NPEPL1: variants seen among roughly 807,000 people sequenced by gnomAD.
NPEPL1 encodes the protein probable aminopeptidase NPEPL1.
A neutral mutation model predicts 52.4 loss-of-function variants in NPEPL1; 45 were observed. The ratio of observed to expected loss-of-function variants is 0.86; its 90% confidence interval spans 0.68 to 1.10. The LOEUF (loss-of-function observed/expected upper bound fraction) is 1.10. NPEPL1 is among the 50% of genes least tolerant of loss of function. The pLI is 0.00. For synonymous variants in NPEPL1, 360 were observed against 314.7 expected (o/e 1.14, Z -1.52); for missense variants, 696 against 710.9 (o/e 0.98, Z 0.24).
intron 7 of NPEPL1, chr20:58,711,096 T>TCCTCCTCCTCCTCCTCCC (rs2084829347): frequency 2.3e-5 from 1 of 43,078 alleles, no homozygotes; most frequent in African/African-American, 1.3e-4. Context: ...CCTCCTCTCC[T>TCCTCCTCCTCCTCCTCCC]CCTCCTCCTC....
intron 5 of NPEPL1, among the ~76,000 whole-genome samples, chr20:58,700,090 G>T (rs1248521286): frequency 2.0e-5 from 3 of 152,236 alleles, no homozygotes; most frequent in Non-Finnish European, 4.4e-5. Flanking sequence ...ATTAGCTGGA[G>T]GCAGCAGGTC....
At chr20:58,711,107 C>CCCCTCCTCCTCCCCCCCGCCT (rs1568859787) in intron 7 of NPEPL1, 1 of 78,048 alleles carries the variant, frequency 1.3e-5, no homozygotes, top group African/African-American at 1.1e-4. Flanking sequence ...CCTCCTCCTC[C>CCCCTCCTCCTCCCCCCCGCCT]CCCCCTCCTC....
chr20:58,714,629 G>A lies in NPEPL1; in HGVS notation c.1372G>A (p.Gly458Arg), dbSNP rs750522040. 129 of 1,596,020 alleles carry A rather than the reference G, an allele frequency of 8.1e-5. No individual in the cohort carries two copies. The highest frequency in any genetic ancestry group is 1.7e-4 in the Middle Eastern group (1 of 6,058). Residue 458 changes from glycine (G) to arginine (R), a missense_variant, in exon 11 of 12, where the codon GGA (glycine) becomes AGA (arginine). Physicochemically the swap from Gly to Arg is moderately radical, Grantham distance 125. Coordinates refer to ENST00000356091, the MANE Select transcript of NPEPL1 (RefSeq NM_024663.4). ...IASHIGFDWP[G>R]VWVHLDIAAP... ...CTCACACATCGGCTTCGACTGGCCC[G>A]GAGTCTGGGTCCACCTGGACATTGC...
At position 58,703,285 on chromosome 20, in the gene NPEPL1, A is replaced by AT. The variant is rs1156769892; in HGVS notation, c.822+2133dup. Among the ~76,000 whole-genome samples, 8 of 152,316 alleles carry AT rather than the reference A, an allele frequency of 5.3e-5. No individual in the cohort carries two copies. In the South Asian group the frequency reaches 1.5e-3, roughly 28 times the overall value. ...TTAAAACGCAACCGTAGCCACAGCA[A>AT]TTTTTTAAACTTCAATCAACAACAG... On this transcript the variant is annotated intron_variant, in intron 6 of 11. Transcript: ENST00000356091.
At position 58,709,280 on chromosome 20, in the gene NPEPL1, T is replaced by C. The variant is rs1043858676; in HGVS notation, c.900+2080T>C. Among the ~76,000 whole-genome samples, 3 of 151,948 alleles carry C rather than the reference T, an allele frequency of 2.0e-5. No individual in the cohort carries two copies. The South Asian group carries it at 6.2e-4, about 31-fold the overall frequency. On this transcript the variant is annotated intron_variant, in intron 7 of 11. Coordinates refer to ENST00000356091, the MANE Select transcript of NPEPL1 (RefSeq NM_024663.4). ...CCTTCACATATCCTTGTTGGCCTCT[T>C]AGAAAGGAATACGCCTCTGTCTGAG...
intron 6 of NPEPL1, chr20:58,703,521 G>A: frequency 1.0e-6 from 1 of 985,280 alleles, no homozygotes; most frequent in Non-Finnish European, 1.2e-6. Flanking sequence ...ATTCTGGCTG[G>A]TAGAGTCGTG....
chr20:58,699,815 C>T (rs2084577059), intron 5 of NPEPL1, among the ~76,000 whole-genome samples: 1 of 152,222 alleles, frequency 6.6e-6, no homozygotes, highest in Admixed American at 6.5e-5. Context: ...CCCCGTGGTG[C>T]TTGTAGACTG....
chr20:58,693,113 G>T, intron 1 of NPEPL1, 63 bp downstream of exon 1: 1 of 975,818 alleles, frequency 1.0e-6, no homozygotes, highest in Non-Finnish European at 1.2e-6. Context: ...GGCGGCCCGC[G>T]GAGGCCCCGC....
chr20:58,700,902 A>G, intron 5 of NPEPL1, 114 bp from the exon 6 acceptor site: 2 of 1,118,358 alleles, frequency 1.8e-6, no homozygotes, highest in Non-Finnish European at 2.4e-6. Flanking sequence ...CACCAGGCTC[A>G]GGCAGGCGGC....
rs1308299625 is a variant in NPEPL1 at position 58,700,947 on chromosome 20, AG to A, written c.680-65del. On this transcript the variant is annotated intron_variant, in intron 5 of 11. Transcript: ENST00000356091. The stretch of plus-strand genomic sequence containing the variant: ...GAAACACCAGCCGGCCAGAGTTTCC[AG>A]GGGCCTCTGGGAGTTCCCCGCTCAG... 2.1e-5 allele frequency: 29 copies of A among 1,350,378 alleles called. No homozygotes were observed. The East Asian group carries it at 8.9e-4, about 41-fold the overall frequency. 83.6% of individuals were successfully genotyped at this position (1,350,378 alleles called of 1,614,324 possible).
intron 3 of NPEPL1, among the ~76,000 whole-genome samples, chr20:58,695,861 C>G (rs1340834649): frequency 1.3e-5 from 2 of 152,200 alleles, no homozygotes; most frequent in Non-Finnish European, 2.9e-5. Flanking sequence ...ACATTGTTTT[C>G]TAAGGACTGC....
rs1378048331 is a variant in NPEPL1, at chr20:58,694,568, G to A, written c.483G>A (p.Gly161=). The A allele has an allele frequency of 1.9e-6, 3 of 1,613,514 alleles. No individual in the cohort carries two copies. Among genetic ancestry groups the A allele is most frequent in the African/African-American group, 2.7e-5 (2 of 74,946 alleles). ...TTTTCCTGGTGGGACAAGACAACGG[G>A]CCGGTGGAGGTGTCCACATTGCAGG... ...VEFFLVGQDN[G]PVEVSTLQCL... The change falls in exon 3 of 12, where the codon GGG becomes GGA. Residue 161 remains glycine (G), a synonymous_variant. Transcript: ENST00000356091.
chr20:58,691,363 GCTTTTTTTTTTT>G, upstream of NPEPL1: 1 of 248,680 alleles, frequency 4.0e-6, no homozygotes, highest in African/African-American at 3.5e-5. Flanking sequence ...TCATTCAACA[GCTTTTTTTTTTT>G]TTTTTTTTTT....
At position 58,692,949 on chromosome 20, in the gene NPEPL1, C is replaced by T; in HGVS notation, c.49C>T (p.Pro17Ser). ...QFQASAGDSD[P>S]QSRPLLLLGQ... is the part of the protein sequence containing the mutation. ...CCAGGCGAGCGCGGGGGACTCGGAC[C>T]CACAGAGCCGGCCCCTGCTGCTGCT... The change falls in exon 1 of 12, where the codon CCA (proline) becomes TCA (serine). Residue 17 changes from proline (P) to serine (S), a missense_variant. Coordinates refer to ENST00000356091, the MANE Select transcript of NPEPL1 (RefSeq NM_024663.4). The surrounding 1 kb of genome is among the most constrained non-coding windows in gnomAD (Gnocchi z 5.7). The T allele has an allele frequency of 8.5e-7, 1 of 1,172,822 alleles. No homozygotes were observed. The highest frequency in any genetic ancestry group is 2.1e-5 in the South Asian group (1 of 46,906). 72.7% of individuals were successfully genotyped at this position (1,172,822 alleles called of 1,614,324 possible).
intron 4 of NPEPL1, 99 bp from the exon 5 acceptor site, chr20:58,699,098 A>G: frequency 8.5e-7 from 1 of 1,170,962 alleles, no homozygotes. Context: ...CCGACGCGGC[A>G]CAGGCAGCGG....
Position 58,698,744 on chromosome 20 carries a change from A to G in NPEPL1, c.568A>G (p.Asn190Asp), listed in dbSNP as rs1568850261. Residue 190 changes from asparagine (N) to aspartate (D), a missense_variant, in exon 4 of 12, where the codon AAT (asparagine) becomes GAT (aspartate). Physicochemically the swap from Asn to Asp is conservative, Grantham distance 23 (BLOSUM62 1). Coordinates refer to ENST00000356091, the MANE Select transcript of NPEPL1 (RefSeq NM_024663.4). Reference protein sequence around the residue: ...LAARIVDTPCNEMNTDTFLEE... With the variant: ...LAARIVDTPCDEMNTDTFLEE... Reference sequence around the variant, plus strand: ...AGCCCGCATCGTGGACACACCCTGCAATGAGATGAACACCGACACCTTCCT... The same window carrying G: ...AGCCCGCATCGTGGACACACCCTGCGATGAGATGAACACCGACACCTTCCT... The G allele has an allele frequency of 2.5e-6, 4 of 1,612,906 alleles. No individual in the cohort carries two copies. Among genetic ancestry groups the G allele is most frequent in the Non-Finnish European group, 3.4e-6 (4 of 1,179,828 alleles).
At chr20:58,703,316 C>T (rs370544834) in intron 6 of NPEPL1, 40 of 267,548 alleles carry the variant, frequency 1.5e-4, no homozygotes, top group African/African-American at 8.1e-4. Flanking sequence ...AACAGATTTT[C>T]GGAGGAGGAA....
In NPEPL1 at chr20:58,698,780, G is replaced by A. The variant is rs966791512; in HGVS notation, c.597+7G>A. ...CACCGACACCTTCCTCGAGGTTTGTGGCGTCATCAGGCCGGGGGTGGGACC... is the reference window on the plus strand; with the variant it reads ...CACCGACACCTTCCTCGAGGTTTGTAGCGTCATCAGGCCGGGGGTGGGACC... On this transcript the variant is annotated splice_region_variant and intron_variant, in intron 4 of 11. Transcript: ENST00000356091. The A allele has an allele frequency of 5.0e-6, 8 of 1,611,292 alleles. No individual in the cohort carries two copies. Among genetic ancestry groups the A allele is most frequent in the Non-Finnish European group, 6.8e-6 (8 of 1,179,242 alleles).
chr20:58,692,952 C>A lies in NPEPL1; in HGVS notation c.52C>A (p.Gln18Lys). 1 of 1,177,292 alleles carries A rather than the reference C, an allele frequency of 8.5e-7. No homozygotes were observed. Among genetic ancestry groups the A allele is most frequent in the Non-Finnish European group, 1.1e-6 (1 of 935,376 alleles). 72.9% of individuals were successfully genotyped at this position (1,177,292 alleles called of 1,614,324 possible). A position where few individuals can be genotyped will look rare whatever the true frequency, so the allele number is the denominator to read the frequency against. Residue 18 changes from glutamine to lysine, a missense_variant, in exon 1 of 12, where the codon CAG becomes AAG. Gln to Lys is a moderately conservative substitution (Grantham distance 53). Transcript: ENST00000356091. This position sits in a 1 kb window ranked among gnomAD's most constrained non-coding sequence, Gnocchi z 5.7. ...GGCGAGCGCGGGGGACTCGGACCCA[C>A]AGAGCCGGCCCCTGCTGCTGCTCGG... Reference protein sequence around the residue: ...FQASAGDSDPQSRPLLLLGQL... With the variant: ...FQASAGDSDPKSRPLLLLGQL...
Sources: gnomAD v4.1 joint callset for allele counts (sites outside exome capture counted in the v4.1 genomes callset) on GRCh38, gnomAD v4.1.1 for gene constraint, Gnocchi (gnomAD v3.1) non-coding constraint, MANE v1.5 for transcripts, NCBI Gene and HGNC (gene_info 2026-07-23, HGNC 2026-07-21) for gene names.